SNTG2: variants seen among roughly 807,000 people sequenced by gnomAD.
SNTG2 encodes syntrophin gamma 2.
In SNTG2, 74 loss-of-function variants were observed where a neutral mutation model predicts 70.9. That is an observed-to-expected ratio of 1.04 (90% CI 0.86 to 1.27). The LOEUF (loss-of-function observed/expected upper bound fraction) is 1.27, where lower values mean the gene tolerates loss of function less well. Among genes scored for constraint, SNTG2 ranks in the 50% most tolerant of loss-of-function variants. SNTG2 has a pLI of 0.00. For missense variants in SNTG2, 717 were observed against 690.7 expected, an observed-to-expected ratio of 1.04 and a Z score of -0.43; for synonymous variants, 278 against 273.8, an observed-to-expected ratio of 1.02 and a Z score of -0.15.
chr2:1,117,967 C>T (rs1667142744), intron 4 of SNTG2, among the ~76,000 whole-genome samples: 1 of 152,138 alleles, frequency 6.6e-6, no homozygotes, highest in South Asian at 2.1e-4. Context: ...CTGAAGAACC[C>T]CTTATCTCCC....
chr2:1,319,249 T>C (rs554107055), intron 16 of SNTG2, among the ~76,000 whole-genome samples: 1 of 152,298 alleles, frequency 6.6e-6, no homozygotes, highest in East Asian at 1.9e-4. Flanking sequence ...TCTATTTCCA[T>C]CGTGGGTTGG....
chr2:1,031,528 A>ATATATAAATATATATATATATTT, intron 1 of SNTG2, among the ~76,000 whole-genome samples: 1 of 59,142 alleles, frequency 1.7e-5, no homozygotes, highest in African/African-American at 8.3e-5. Flanking sequence ...ATATATATAT[A>ATATATAAATATATATATATATTT]TTTTTTTTTT....
chr2:978,355 T>C (rs1159827653), intron 1 of SNTG2, among the ~76,000 whole-genome samples: 1 of 152,248 alleles, frequency 6.6e-6, no homozygotes, highest in Non-Finnish European at 1.5e-5. Flanking sequence ...TTTCCAGAAT[T>C]AGAAATTATT....
At chr2:1,352,164 A>AACTGTAAAAATCATTT (rs879317188) in intron 16 of SNTG2, among the ~76,000 whole-genome samples, 2 of 152,172 alleles carry the variant, frequency 1.3e-5, no homozygotes, top group Non-Finnish European at 2.9e-5. Flanking sequence ...CACCATGCCC[A>AACTGTAAAAATCATTT]ACTGTAAAAA....
At chr2:1,087,405 G>A (rs1309946708) in intron 2 of SNTG2, among the ~76,000 whole-genome samples, 3 of 152,080 alleles carry the variant, frequency 2.0e-5, no homozygotes, top group South Asian at 2.1e-4. Flanking sequence ...AAAGTACATC[G>A]TGCTCTAGCC....
At chr2:1,316,185 C>A in intron 15 of SNTG2, 80 bp from the exon 16 acceptor site, 1 of 639,086 alleles carries the variant, frequency 1.6e-6, no homozygotes, top group Non-Finnish European at 2.7e-6. Flanking sequence ...TTTAACGAGG[C>A]TGTTTAATGT....
At chr2:1,274,040 A>G (rs1184851862) in intron 14 of SNTG2, among the ~76,000 whole-genome samples, 1 of 152,266 alleles carries the variant, frequency 6.6e-6, no homozygotes, top group Non-Finnish European at 1.5e-5. Context: ...GGTAGGTTGA[A>G]ATATGCTCCA....
At chr2:1,141,588 T>C (rs1454492235) in intron 6 of SNTG2, among the ~76,000 whole-genome samples, 10 of 152,174 alleles carry the variant, frequency 6.6e-5, no homozygotes, top group Non-Finnish European at 7.3e-5. Flanking sequence ...CAAGAGGCAA[T>C]CGAAAGAAAT....
At chr2:1,105,464 G>T (rs909406966) in intron 4 of SNTG2, among the ~76,000 whole-genome samples, 5 of 152,124 alleles carry the variant, frequency 3.3e-5, no homozygotes, top group African/African-American at 1.2e-4. Flanking sequence ...GTGTGCACCC[G>T]CCAAGGCTCA....
intron 8 of SNTG2, among the ~76,000 whole-genome samples, chr2:1,203,285 G>A (rs1673392561): frequency 6.6e-6 from 1 of 152,124 alleles, no homozygotes. Flanking sequence ...AATAGAGGAG[G>A]TTGAAATGAA....
intron 8 of SNTG2, among the ~76,000 whole-genome samples, chr2:1,207,319 A>G (rs896137443): frequency 3.9e-5 from 6 of 152,254 alleles, no homozygotes; most frequent in Non-Finnish European, 7.3e-5. Context: ...AAATGTTCCA[A>G]TATTGCCACT....
intron 7 of SNTG2, among the ~76,000 whole-genome samples, chr2:1,171,194 A>G (rs1000439429): frequency 7.2e-5 from 11 of 152,324 alleles, no homozygotes; most frequent in South Asian, 6.2e-4. Context: ...AGATATAACT[A>G]TTCACATTTC....
At chr2:1,010,364 C>T (rs1196970514) in intron 1 of SNTG2, among the ~76,000 whole-genome samples, 1 of 152,106 alleles carries the variant, frequency 6.6e-6, no homozygotes, top group East Asian at 1.9e-4. Context: ...TGGGTGTGAA[C>T]CACAAATGCA....
At chr2:1,055,132 T>A (rs6716640) in intron 1 of SNTG2, among the ~76,000 whole-genome samples, 121,658 of 152,144 alleles carry the variant, frequency 0.8, 49,415 homozygotes, top group Middle Eastern at 0.9. Flanking sequence ...TAACTCTGCA[T>A]TCACATTGTA....
At chr2:1,202,570 TATGAGAA>T (rs1673344582) in intron 8 of SNTG2, among the ~76,000 whole-genome samples, 1 of 152,060 alleles carries the variant, frequency 6.6e-6, no homozygotes, top group Non-Finnish European at 1.5e-5. Flanking sequence ...AGCCCAGCAG[TATGAGAA>T]TCACATTAAA....
intron 1 of SNTG2, among the ~76,000 whole-genome samples, chr2:952,139 G>A (rs886921293): frequency 1.1e-4 from 17 of 152,212 alleles, no homozygotes; most frequent in Middle Eastern, 6.3e-3. Context: ...CATGTAAAAT[G>A]TGGGTGTTCG....
intron 14 of SNTG2, among the ~76,000 whole-genome samples, chr2:1,307,955 C>T (rs893194124): frequency 1.3e-5 from 2 of 152,202 alleles, no homozygotes; most frequent in Admixed American, 6.5e-5. Context: ...CTTCTCGCAC[C>T]GTGTGACCGA....
In SNTG2 at chr2:1,303,891, G is replaced by A. The variant is rs559905471; in HGVS notation, c.1285-4603G>A. Among the ~76,000 whole-genome samples, 11 of 152,250 alleles carry A rather than the reference G, an allele frequency of 7.2e-5. No individual in the cohort carries two copies. The South Asian group carries it at 1.0e-3, about 14-fold the overall frequency. On this transcript the variant is annotated intron_variant, in intron 14 of 16. Coordinates refer to ENST00000308624, the MANE Select transcript of SNTG2 (RefSeq NM_018968.4). ...AAGAGACTGTTTCCTCGTAAACCAC[G>A]AACTGCCACAACTCCATCACTGTAG... is the stretch of plus-strand genomic sequence containing the variant.
At chr2:1,129,434 T>C (rs140608482) in intron 4 of SNTG2, among the ~76,000 whole-genome samples, 29 of 152,364 alleles carry the variant, frequency 1.9e-4, no homozygotes, top group African/African-American at 6.5e-4. Context: ...CCCAGGGAAA[T>C]GTGTCTCTTC....
Sources: allele counts gnomAD v4.1 joint callset (sites outside exome capture counted in the v4.1 genomes callset), GRCh38; gene constraint gnomAD v4.1.1; transcripts MANE v1.5; gene names NCBI Gene and HGNC (gene_info 2026-07-23, HGNC 2026-07-21).